Variants in DOCK8 observed in about 807,000 individuals in gnomAD.
DOCK8 encodes the protein dedicator of cytokinesis 8.
Under a neutral mutation model 245.6 loss-of-function variants are expected in DOCK8, and 141 were observed. That is an observed-to-expected ratio of 0.57 (90% CI 0.50 to 0.66). DOCK8 has a LOEUF of 0.66. Among genes scored for constraint, DOCK8 ranks in the 30% least tolerant of loss-of-function variants. The pLI, the probability that DOCK8 is intolerant of heterozygous loss-of-function variation, is 0.00. For missense variants in DOCK8, 2,965 were observed against 2,603.4 expected, an observed-to-expected ratio of 1.14 and a Z score of -3.02; for synonymous variants, 1,168 against 970.2, an observed-to-expected ratio of 1.20 and a Z score of -3.79.
At chr9:339,970 A>G (rs546690614) in intron 13 of DOCK8, among the ~76,000 whole-genome samples, 189 bp from the exon 14 acceptor site, 5 of 152,334 alleles carry the variant, frequency 3.3e-5, no homozygotes, top group East Asian at 1.9e-4. Flanking sequence ...ATTTTATTTT[A>G]TAGAGGCTAA....
rs1564009960 is a variant in DOCK8, at chr9:399,266, G to T, written c.3234+7G>T. 2.5e-6 allele frequency: 4 copies of T among 1,593,922 alleles called. No individual in the cohort carries two copies. Among genetic ancestry groups the T allele is most frequent in the Non-Finnish European group, 2.6e-6 (3 of 1,170,766 alleles). On this transcript the variant is annotated splice_region_variant and intron_variant, in intron 26 of 47. Transcript: ENST00000432829. ...CAGACATTATTGCAGCCAGGTGAGT[G>T]TCCCCCCCACCCCCACCCCCGAGCG...
At chr9:231,836 T>C (rs542927905) in intron 1 of DOCK8, among the ~76,000 whole-genome samples, 5 of 152,334 alleles carry the variant, frequency 3.3e-5, no homozygotes, top group Non-Finnish European at 7.4e-5. Flanking sequence ...AATCATGTCA[T>C]CTGCAAACAG....
chr9:333,358 T>C (rs545444768), intron 10 of DOCK8, among the ~76,000 whole-genome samples: 3 of 152,184 alleles, frequency 2.0e-5, no homozygotes, highest in Non-Finnish European at 4.4e-5. Flanking sequence ...TCCCAGCACT[T>C]TGGGAGGCCA....
intron 1 of DOCK8, among the ~76,000 whole-genome samples, chr9:231,048 G>C (rs1267844562): frequency 2.1e-4 from 32 of 152,278 alleles, no homozygotes; most frequent in African/African-American, 7.7e-4. Flanking sequence ...TAACATTTAA[G>C]TCTTTAATCC....
chr9:435,008 T>G (rs945055740), intron 39 of DOCK8, 33 bp downstream of exon 39: 2 of 1,608,928 alleles, frequency 1.2e-6, no homozygotes, highest in Non-Finnish European at 8.5e-7. Flanking sequence ...CTTAGAGCAG[T>G]GGTTCTCAAC....
chr9:323,008 G>A (rs1425179881), intron 7 of DOCK8, among the ~76,000 whole-genome samples: 4 of 150,700 alleles, frequency 2.7e-5, no homozygotes, highest in African/African-American at 9.8e-5. Flanking sequence ...CCGAAGAATC[G>A]CTTGAACCTG....
chr9:298,585 C>T (rs553410996), intron 4 of DOCK8, among the ~76,000 whole-genome samples: 2 of 151,052 alleles, frequency 1.3e-5, no homozygotes, highest in East Asian at 3.9e-4. Flanking sequence ...AGAGAAATAA[C>T]TTGAGGATAA....
At chr9:246,959 G>A (rs1041151822) in intron 1 of DOCK8, among the ~76,000 whole-genome samples, 1 of 152,010 alleles carries the variant, frequency 6.6e-6, no homozygotes, top group Non-Finnish European at 1.5e-5. Context: ...GTTCAAGGAA[G>A]TTAGATAAAG....
intron 14 of DOCK8, among the ~76,000 whole-genome samples, chr9:367,789 C>T (rs2053079108): frequency 6.6e-6 from 1 of 152,100 alleles, no homozygotes; most frequent in Non-Finnish European, 1.5e-5. Flanking sequence ...CTGCAGCAGA[C>T]ACATCTTTAC....
At chr9:345,445 C>T (rs1219703695) in intron 14 of DOCK8, among the ~76,000 whole-genome samples, 4 of 152,160 alleles carry the variant, frequency 2.6e-5, no homozygotes, top group African/African-American at 7.2e-5. Context: ...TGCAGAGCCC[C>T]CCTGGGTGGA....
At chr9:254,740 G>C (rs1322856349) in intron 1 of DOCK8, among the ~76,000 whole-genome samples, 1 of 152,164 alleles carries the variant, frequency 6.6e-6, no homozygotes, top group Non-Finnish European at 1.5e-5. Flanking sequence ...ATCACGACTT[G>C]AGATTATAAA....
At chr9:389,811 T>G (rs2054106494) in intron 23 of DOCK8, among the ~76,000 whole-genome samples, 1 of 150,714 alleles carries the variant, frequency 6.6e-6, no homozygotes, top group African/African-American at 2.4e-5. Flanking sequence ...AGCTCAGGAG[T>G]TTGAGACTAA....
intron 1 of DOCK8, among the ~76,000 whole-genome samples, chr9:240,870 A>G (rs1017681605): frequency 2.0e-5 from 3 of 152,174 alleles, no homozygotes; most frequent in African/African-American, 4.8e-5. Flanking sequence ...AAATAAAAAA[A>G]TATTCTATTC....
intron 1 of DOCK8, among the ~76,000 whole-genome samples, chr9:270,278 C>T (rs1241150642): frequency 3.9e-5 from 6 of 152,342 alleles, no homozygotes; most frequent in East Asian, 3.9e-4. Context: ...CATCATGTAA[C>T]GGGCCACCAC....
At chr9:328,613 C>T (rs1056248439) in intron 9 of DOCK8, among the ~76,000 whole-genome samples, 2 of 152,170 alleles carry the variant, frequency 1.3e-5, no homozygotes, top group African/African-American at 4.8e-5. Context: ...AATCTCTGGG[C>T]TAGAGTTTCC....
rs1381554909 is a variant in DOCK8, at chr9:434,876, G to A, written c.4980G>A (p.Glu1660=). ...ACACCAAGAAGAAGTGCTACACGGA[G>A]GCTGCCATGTGCCTGGTGCACGCCG... The part of the protein sequence containing the change: ...EKHTKKKCYT[E]AAMCLVHAAA... Residue 1660 remains glutamate, a synonymous_variant, in exon 39 of 48, where the codon GAG becomes GAA. Coordinates refer to ENST00000432829, the MANE Select transcript of DOCK8 (RefSeq NM_203447.4). The A allele has an allele frequency of 6.2e-7, 1 of 1,614,062 alleles. No homozygotes were observed. The highest frequency in any genetic ancestry group is 1.7e-5 in the Admixed American group (1 of 60,010).
intron 1 of DOCK8, among the ~76,000 whole-genome samples, chr9:218,359 CAGA>C (rs974254435): frequency 1.2e-4 from 18 of 152,168 alleles, no homozygotes; most frequent in African/African-American, 4.3e-4. Flanking sequence ...CACCAGTCTC[CAGA>C]AGGAGTGAGC....
intron 33 of DOCK8, 39 bp downstream of exon 33, chr9:422,174 G>T (rs2056304802): frequency 3.2e-6 from 5 of 1,566,756 alleles, no homozygotes; most frequent in African/African-American, 1.3e-5. Flanking sequence ...TTTACCTAAA[G>T]TCCAAAACTA....
chr9:276,386 G>T (rs554887244), intron 2 of DOCK8, among the ~76,000 whole-genome samples: 1 of 152,208 alleles, frequency 6.6e-6, no homozygotes, highest in African/African-American at 2.4e-5. Flanking sequence ...GAGAGGAAGG[G>T]TGTATGTTTG....
Sources: allele counts gnomAD v4.1 joint callset (sites outside exome capture counted in the v4.1 genomes callset), GRCh38; gene constraint gnomAD v4.1.1; transcripts MANE v1.5; gene names NCBI Gene and HGNC (gene_info 2026-07-23, HGNC 2026-07-21).